The following ZNF57 variants were observed in gnomAD, a reference collection of about 807,000 sequenced individuals.
ZNF57 encodes zinc finger protein 57.
ZNF57 carries 11 observed loss-of-function variants against 13.4 expected under a neutral mutation model. The observed-to-expected ratio is 0.82, with a 90% CI of 0.52 to 1.36. The LOEUF (loss-of-function observed/expected upper bound fraction) is 1.36. ZNF57 is among the 40% of genes most tolerant of loss of function. The pLI is 0.00. For synonymous variants in ZNF57, 224 were observed against 238.5 expected (o/e 0.94, Z 0.56); for missense variants, 696 against 667.5 (o/e 1.04, Z -0.47).
intron 1 of ZNF57, among the ~76,000 whole-genome samples, chr19:2,913,464 C>G (rs4807362): frequency 0.36 from 55,339 of 152,106 alleles, 10,455 homozygotes; most frequent in Non-Finnish European, 0.43. Flanking sequence ...TAGCTATTAA[C>G]TTCCTTTATA....
Position 2,917,985 on chromosome 19 carries a change from A to C in ZNF57, c.1364A>C (p.Lys455Thr), listed in dbSNP as rs919045506. 1 of 1,613,544 alleles carries C rather than the reference A, an allele frequency of 6.2e-7. No individual in the cohort carries two copies. Among genetic ancestry groups the C allele is most frequent in the Non-Finnish European group, 8.5e-7 (1 of 1,179,822 alleles). Reference protein sequence around the residue: ...EQLHKCEHCGKAFTSSRAFQG... With the variant: ...EQLHKCEHCGTAFTSSRAFQG... ...CTCCATAAATGTGAACACTGTGGGA[A>C]GGCCTTTACCTCTTCCAGAGCATTC... Residue 455 changes from lysine to threonine, a missense_variant, in exon 4 of 4, where the codon AAG (lysine) becomes ACG (threonine). Lys to Thr is a moderately conservative substitution (Grantham distance 78). Around this residue, in one of 3 missense-constraint regions of ZNF57, gnomAD observed 645 missense variants for 591.5 expected, o/e 1.09. Transcript: ENST00000306908.
intron 1 of ZNF57, among the ~76,000 whole-genome samples, chr19:2,903,891 A>AT (rs1179823967): frequency 1.3e-5 from 2 of 151,558 alleles, no homozygotes; most frequent in Non-Finnish European, 2.9e-5. Context: ...AATTTTTTGT[A>AT]TTTTTAGTAG....
In ZNF57 at chr19:2,901,022, G is replaced by A. The variant is rs1371647020; in HGVS notation, c.-24G>A. 1.4e-5 allele frequency: 22 copies of A among 1,558,362 alleles called. No individual in the cohort carries two copies. The highest frequency in any genetic ancestry group is 1.7e-5 in the Non-Finnish European group (19 of 1,150,448). ...CGCGAGGCCACGGAGAGCTCGCCTT[G>A]GAGAGCCCAGGAGCAGGGGAGACAT... On this transcript the variant is annotated 5_prime_UTR_variant, in exon 1 of 4. Transcript: ENST00000306908.
At chr19:2,903,000 C>T (rs1243286836) in intron 1 of ZNF57, among the ~76,000 whole-genome samples, 1 of 152,206 alleles carries the variant, frequency 6.6e-6, no homozygotes, top group Non-Finnish European at 1.5e-5. Context: ...CTGGAGGCCG[C>T]TGAGGGTGCA....
rs374819944 is a variant in ZNF57 at position 2,917,692 on chromosome 19, G to A, written c.1071G>A (p.Thr357=). 3.8e-5 allele frequency: 62 copies of A among 1,613,706 alleles called. No individual in the cohort carries two copies. In the Middle Eastern group the frequency reaches 8.3e-4, roughly 21 times the overall value. ...SSRSFQGHLR[T]HTGEKPYECK... ...GATCATTCCAAGGTCATTTGAGGAC[G>A]CACACTGGAGAGAAACCTTATGAGT... Residue 357 remains threonine (T), a synonymous_variant, in exon 4 of 4, where the codon ACG becomes ACA. Coordinates refer to ENST00000306908, the MANE Select transcript of ZNF57 (RefSeq NM_173480.3).
chr19:2,909,330 G>A (rs550539601), intron 1 of ZNF57, among the ~76,000 whole-genome samples: 1,012 of 89,196 alleles, frequency 0.011, 33 homozygotes, highest in African/African-American at 0.038. Flanking sequence ...GCCCAGGCTG[G>A]AGTGCAGTGG....
chr19:2,917,569 A>C lies in ZNF57; in HGVS notation c.948A>C (p.Thr316=). ...ATGAATGCAAGCAGTGTGGGAAAAC[A>C]TTCAGTTGGTCTGAAACCTTGCGAG... ...KPYECKQCGK[T]FSWSETLRVH... is the part of the protein sequence containing the mutation. Residue 316 remains threonine (T), a synonymous_variant, in exon 4 of 4, where the codon ACA becomes ACC. Coordinates refer to ENST00000306908, the MANE Select transcript of ZNF57 (RefSeq NM_173480.3). 6.2e-7 allele frequency: 1 copy of C among 1,613,640 alleles called. No homozygotes were observed. The highest frequency in any genetic ancestry group is 8.5e-7 in the Non-Finnish European group (1 of 1,179,874).
In ZNF57 at chr19:2,918,401, A is replaced by G; in HGVS notation, c.*112A>G. ...CAAGTATGATATTGTCTTTGTCAAT[A>G]CCTCATTTGTAAAACAGACCCATTA... On this transcript the variant is annotated 3_prime_UTR_variant, in exon 4 of 4. Coordinates refer to ENST00000306908, the MANE Select transcript of ZNF57 (RefSeq NM_173480.3). The G allele has an allele frequency of 8.4e-7, 1 of 1,197,464 alleles. No homozygotes were observed. The allele number at this position is 1,197,464 out of a possible 1,614,324, so 74.2% of individuals were successfully genotyped here.
chr19:2,912,249 T>TCTCTTTCCTCTTTCCTCTTAC (rs2088144624), intron 1 of ZNF57: 1 of 152,182 alleles, frequency 6.6e-6, no homozygotes, highest in Non-Finnish European at 1.5e-5. Context: ...GGGGGATACA[T>TCTCTTTCCTCTTTCCTCTTAC]CTCTTTCCAC....
At chr19:2,915,783 C>A in intron 2 of ZNF57, 135 bp downstream of exon 2, 1 of 1,366,798 alleles carries the variant, frequency 7.3e-7, no homozygotes, top group Non-Finnish European at 1.0e-6. Context: ...AGAATCTAGT[C>A]ATTATTCCCT....
chr19:2,912,768 A>G (rs2088150963), intron 1 of ZNF57, among the ~76,000 whole-genome samples: 1 of 152,204 alleles, frequency 6.6e-6, no homozygotes. Context: ...CATTCCCACC[A>G]GCAATGTGTG....
chr19:2,907,203 A>C (rs2088083908), intron 1 of ZNF57: 1 of 152,162 alleles, frequency 6.6e-6, no homozygotes, highest in Non-Finnish European at 1.5e-5. Context: ...ATAGACCTAA[A>C]AAGTGTTAGG....
At position 2,918,408 on chromosome 19, in the gene ZNF57, T is replaced by C. The variant is rs2088237374; in HGVS notation, c.*119T>C. The C allele has an allele frequency of 1.8e-6, 2 of 1,104,560 alleles. No individual in the cohort carries two copies. The highest frequency in any genetic ancestry group is 3.4e-5 in the South Asian group (2 of 58,814). 68.4% of individuals were successfully genotyped at this position (1,104,560 alleles called of 1,614,324 possible). ...GATATTGTCTTTGTCAATACCTCAT[T>C]TGTAAAACAGACCCATTAGTCGTGA... On this transcript the variant is annotated 3_prime_UTR_variant, in exon 4 of 4. Coordinates refer to ENST00000306908, the MANE Select transcript of ZNF57 (RefSeq NM_173480.3).
At chr19:2,905,772 A>AAC (rs1264649465) in intron 1 of ZNF57, among the ~76,000 whole-genome samples, 1 of 150,956 alleles carries the variant, frequency 6.6e-6, no homozygotes, top group Non-Finnish European at 1.5e-5. Flanking sequence ...CTCAAAAAAA[A>AAC]AAAAAAAAGA....
Position 2,917,350 on chromosome 19 carries a change from G to C in ZNF57, c.729G>C (p.Val243=). ...GGTTCGCAAGCTTCACTAGACATGT[G>C]AGAACTCACACAAAAGACAGGCCAT... The part of the protein sequence containing the change: ...FNGFASFTRH[V]RTHTKDRPYK... Residue 243 remains valine (V), a synonymous_variant, in exon 4 of 4, where the codon GTG becomes GTC. Transcript: ENST00000306908. 1 of 1,614,200 alleles carries C rather than the reference G, an allele frequency of 6.2e-7. No individual in the cohort carries two copies. The highest frequency in any genetic ancestry group is 1.1e-5 in the South Asian group (1 of 91,078).
At chr19:2,912,413 T>G (rs2088146591) in intron 1 of ZNF57, among the ~76,000 whole-genome samples, 1 of 152,190 alleles carries the variant, frequency 6.6e-6, no homozygotes, top group Admixed American at 6.5e-5. Context: ...GATTGCTAAC[T>G]CAGACTTGGG....
intron 1 of ZNF57, among the ~76,000 whole-genome samples, chr19:2,914,788 G>A (rs879661460): frequency 3.9e-5 from 6 of 152,050 alleles, no homozygotes; most frequent in Non-Finnish European, 7.4e-5. Flanking sequence ...CTACATCCAT[G>A]AATATTATAT....
intron 1 of ZNF57, among the ~76,000 whole-genome samples, chr19:2,912,675 T>C (rs961066995): frequency 6.6e-6 from 1 of 152,230 alleles, no homozygotes; most frequent in African/African-American, 2.4e-5. Flanking sequence ...CCAAGCTCCT[T>C]ACATGCTGGA....
intron 1 of ZNF57, among the ~76,000 whole-genome samples, chr19:2,902,160 G>A (rs983477203): frequency 6.7e-6 from 1 of 150,252 alleles, no homozygotes; most frequent in Admixed American, 6.6e-5. Context: ...GAACCTTACA[G>A]GGGACAGCTT....
Sources: allele counts gnomAD v4.1 joint callset (sites outside exome capture counted in the v4.1 genomes callset), GRCh38; gene constraint gnomAD v4.1.1; regional missense constraint gnomAD v4.1.1; transcripts MANE v1.5; gene names NCBI Gene and HGNC (gene_info 2026-07-23, HGNC 2026-07-21).